Variants in ZNF730 observed in about 807,000 individuals in gnomAD.
ZNF730 encodes zinc finger protein 730, also known as putative zinc finger protein 730.
Under a neutral mutation model 12.6 loss-of-function variants are expected in ZNF730, and 12 were observed. That is an observed-to-expected ratio of 0.95 (90% CI 0.61 to 1.54). ZNF730 has a LOEUF of 1.54. Among genes scored for constraint, ZNF730 ranks in the 40% most tolerant of loss-of-function variants. ZNF730 has a pLI of 0.00. For synonymous variants in ZNF730, 194 were observed against 195.8 expected, an observed-to-expected ratio of 0.99 and a Z score of 0.08; for missense variants, 643 against 583.5, an observed-to-expected ratio of 1.10 and a Z score of -1.05.
chr19:23,127,206 T>C (rs1970682062), intron 1 of ZNF730: 1 of 594,630 alleles, frequency 1.7e-6, no homozygotes, highest in Non-Finnish European at 3.2e-6. Context: ...AAATAATTAC[T>C]CCATCTGCTG....
chr19:23,101,669 A>G (rs1287685749), intron 1 of ZNF730, among the ~76,000 whole-genome samples: 1 of 152,150 alleles, frequency 6.6e-6, no homozygotes, highest in Non-Finnish European at 1.5e-5. Context: ...TCCCAGGTTC[A>G]AGTGATTCTT....
At position 23,145,826 on chromosome 19, in the gene ZNF730, G is replaced by A. The variant is rs755977164; in HGVS notation, c.782G>A (p.Cys261Tyr). The A allele has an allele frequency of 1.2e-6, 2 of 1,600,788 alleles. No individual in the cohort carries two copies. Among genetic ancestry groups the A allele is most frequent in the South Asian group, 1.1e-5 (1 of 89,534 alleles). The change falls in exon 4 of 4, where the codon TGT becomes TAT. Residue 261 changes from cysteine (C) to tyrosine (Y), a missense_variant. By Grantham distance (194) the Cys-to-Tyr change is radical. Transcript: ENST00000597761. ...TGEKPYQCEK[C>Y]GKFFNQSTNL... ...GAAAAACCCTACCAATGTGAGAAAT[G>A]TGGCAAATTTTTTAACCAATCCACA...
At chr19:23,130,202 G>T (rs564759334) in intron 1 of ZNF730, among the ~76,000 whole-genome samples, 1 of 152,052 alleles carries the variant, frequency 6.6e-6, no homozygotes, top group Admixed American at 6.6e-5. Context: ...TCTTCCCTGC[G>T]CTGTTCTCGT....
intron 2 of ZNF730, among the ~76,000 whole-genome samples, 157 bp from the exon 3 acceptor site, chr19:23,135,791 A>G (rs1245127886): frequency 6.6e-6 from 1 of 151,840 alleles, no homozygotes; most frequent in Non-Finnish European, 1.5e-5. Flanking sequence ...TATTAAAGGC[A>G]TGAGCCACCG....
At chr19:23,125,223 G>A (rs1348158587) in intron 1 of ZNF730, among the ~76,000 whole-genome samples, 2 of 152,122 alleles carry the variant, frequency 1.3e-5, no homozygotes, top group African/African-American at 2.4e-5. Flanking sequence ...TATCAGCAGT[G>A]TGAGAACAGA....
chr19:23,114,310 T>C (rs1453080648), upstream of ZNF730, among the ~76,000 whole-genome samples: 2 of 111,222 alleles, frequency 1.8e-5, no homozygotes, highest in Non-Finnish European at 3.8e-5. Flanking sequence ...CTTTTCTTTT[T>C]TTTTTTTTTT....
At chr19:23,143,196 A>C (rs558945309) in intron 3 of ZNF730, among the ~76,000 whole-genome samples, 24 of 152,144 alleles carry the variant, frequency 1.6e-4, no homozygotes, top group African/African-American at 5.5e-4. Context: ...AGTGAGCCGA[A>C]ATAGTGCCAC....
chr19:23,103,351 A>C (rs1970356887), intron 1 of ZNF730, among the ~76,000 whole-genome samples: 1 of 152,232 alleles, frequency 6.6e-6, no homozygotes, highest in Admixed American at 6.5e-5. Context: ...TCTGTAAATA[A>C]AAAATTGAAA....
At chr19:23,097,008 A>G (rs1970263056) in intron 1 of ZNF730, among the ~76,000 whole-genome samples, 1 of 152,174 alleles carries the variant, frequency 6.6e-6, no homozygotes, top group Non-Finnish European at 1.5e-5. Flanking sequence ...GTATAGTAAC[A>G]TATCATTGAG....
At chr19:23,138,334 A>G (rs527407346) in intron 3 of ZNF730, among the ~76,000 whole-genome samples, 1 of 152,032 alleles carries the variant, frequency 6.6e-6, no homozygotes, top group South Asian at 2.1e-4. Context: ...ACCAGAAAGG[A>G]TTTCCCCAGG....
At chr19:23,138,299 A>AG (rs1970862457) in intron 3 of ZNF730, among the ~76,000 whole-genome samples, 1 of 15,594 alleles carries the variant, frequency 6.4e-5, no homozygotes, top group African/African-American at 1.1e-4. Flanking sequence ...AAAAAAAAAA[A>AG]AAAAGAAAAT....
intron 3 of ZNF730, among the ~76,000 whole-genome samples, chr19:23,142,557 G>A (rs931955692): frequency 8.6e-5 from 13 of 151,608 alleles, no homozygotes; most frequent in Admixed American, 2.0e-4. Context: ...GTATGGTGGC[G>A]GGCGCCTGTA....
At chr19:23,110,336 G>T (rs1970447777) in intron 1 of ZNF730, among the ~76,000 whole-genome samples, 1 of 137,040 alleles carries the variant, frequency 7.3e-6, no homozygotes, top group Non-Finnish European at 1.5e-5. Flanking sequence ...GGGTGCAGTG[G>T]TGTGATCTTG....
intron 1 of ZNF730, chr19:23,095,498 C>T (rs890131677): frequency 7.5e-6 from 3 of 398,488 alleles, no homozygotes; most frequent in Non-Finnish European, 8.8e-6. Flanking sequence ...TGTAACATAT[C>T]ACTGGGCTAA....
intron 1 of ZNF730, among the ~76,000 whole-genome samples, 179 bp downstream of exon 1, chr19:23,117,355 G>T (rs573763719): frequency 3.9e-5 from 6 of 152,258 alleles, no homozygotes; most frequent in African/African-American, 1.4e-4. Flanking sequence ...CTGACAGCCG[G>T]GGCCCCGGCG....
At chr19:23,088,932 G>C (rs1363346823) in intron 1 of ZNF730, among the ~76,000 whole-genome samples, 1 of 152,044 alleles carries the variant, frequency 6.6e-6, no homozygotes, top group Non-Finnish European at 1.5e-5. Context: ...GAGTGCAGTG[G>C]TGCGATCTCG....
chr19:23,144,368 T>G (rs576739929), intron 3 of ZNF730: 1 of 152,248 alleles, frequency 6.6e-6, no homozygotes, highest in Non-Finnish European at 1.5e-5. Context: ...GTCTAAAATT[T>G]TGTGTTTGCT....
chr19:23,126,915 G>T, intron 1 of ZNF730: 1 of 523,818 alleles, frequency 1.9e-6, no homozygotes, highest in South Asian at 1.5e-5. Context: ...ATATTTTTAA[G>T]GGTCAGAAAG....
At chr19:23,135,679 T>C (rs565312320) in intron 2 of ZNF730, among the ~76,000 whole-genome samples, 1 of 152,094 alleles carries the variant, frequency 6.6e-6, no homozygotes, top group South Asian at 2.1e-4. Flanking sequence ...CCTAGCTAAT[T>C]TTTTCGTATT....
Sources: allele counts gnomAD v4.1 joint callset (sites outside exome capture counted in the v4.1 genomes callset), GRCh38; gene constraint gnomAD v4.1.1; transcripts MANE v1.5; gene names NCBI Gene and HGNC (gene_info 2026-07-23, HGNC 2026-07-21).